MACROD2: variants seen among roughly 807,000 people sequenced by gnomAD.
MACROD2 encodes ADP-ribose glycohydrolase MACROD2.
In MACROD2, 36 loss-of-function variants were observed where a neutral mutation model predicts 70.4. That is an observed-to-expected ratio of 0.51 (90% CI 0.39 to 0.68). The LOEUF (loss-of-function observed/expected upper bound fraction) is 0.68. MACROD2 is among the 30% of genes least tolerant of loss of function. The pLI, the probability that MACROD2 is intolerant of heterozygous loss-of-function variation, is 0.00. For synonymous variants in MACROD2, 172 were observed against 178.8 expected (o/e 0.96, Z 0.30); for missense variants, 496 against 538.4 (o/e 0.92, Z 0.78).
chr20:14,659,154 A>G (rs770934883), intron 4 of MACROD2, among the ~76,000 whole-genome samples: 7 of 152,142 alleles, frequency 4.6e-5, no homozygotes, highest in Non-Finnish European at 8.8e-5. Context: ...AGCCTTTTTC[A>G]TGAGAGAATG....
intron 3 of MACROD2, among the ~76,000 whole-genome samples, chr20:14,447,673 T>C (rs1222106948): frequency 6.6e-6 from 1 of 151,908 alleles, no homozygotes; most frequent in Non-Finnish European, 1.5e-5. Flanking sequence ...CTTTGGAAGC[T>C]AAGTAGAGGG....
intron 5 of MACROD2, among the ~76,000 whole-genome samples, chr20:14,951,429 C>T (rs1221499909): frequency 6.6e-6 from 1 of 152,106 alleles, no homozygotes; most frequent in African/African-American, 2.4e-5. Context: ...AATGGCTTCT[C>T]AGAGCACTCT....
intron 6 of MACROD2, among the ~76,000 whole-genome samples, chr20:15,265,568 T>C (rs567148844): frequency 6.6e-6 from 1 of 152,322 alleles, no homozygotes; most frequent in South Asian, 2.1e-4. Flanking sequence ...AGAAATAAAA[T>C]TGCTTCTTAA....
At chr20:14,287,781 T>C (rs1206351012) in intron 3 of MACROD2, among the ~76,000 whole-genome samples, 1 of 152,108 alleles carries the variant, frequency 6.6e-6, no homozygotes, top group Non-Finnish European at 1.5e-5. Context: ...TTCTTGTGAT[T>C]GTTGGACTGA....
chr20:15,539,593 G>A (rs2047926585), intron 8 of MACROD2, among the ~76,000 whole-genome samples: 1 of 152,176 alleles, frequency 6.6e-6, no homozygotes, highest in Non-Finnish European at 1.5e-5. Flanking sequence ...TGGTTAAACT[G>A]AGGTTTCTTT....
intron 5 of MACROD2, among the ~76,000 whole-genome samples, chr20:14,961,265 G>A (rs1387758133): frequency 1.3e-5 from 2 of 152,054 alleles, no homozygotes; most frequent in African/African-American, 4.8e-5. Context: ...AATATTAGAG[G>A]TGAAATGGCC....
chr20:15,169,469 G>A (rs2145885947), intron 5 of MACROD2, among the ~76,000 whole-genome samples: 1 of 152,238 alleles, frequency 6.6e-6, no homozygotes, highest in Non-Finnish European at 1.5e-5. Context: ...CTTGGCTAAG[G>A]GGCCACCGTT....
chr20:15,451,418 A>T (rs867218819), intron 7 of MACROD2, among the ~76,000 whole-genome samples: 6 of 36,420 alleles, frequency 1.6e-4, no homozygotes, highest in East Asian at 5.1e-4. Flanking sequence ...GGTGGTAAAT[A>T]AAAAAAAAAA....
intron 3 of MACROD2, among the ~76,000 whole-genome samples, chr20:14,193,411 A>T (rs936068415): frequency 1.3e-5 from 2 of 152,210 alleles, no homozygotes; most frequent in Non-Finnish European, 2.9e-5. Flanking sequence ...TATGGGTATT[A>T]TATTATCAGG....
At chr20:14,887,499 C>A (rs34850340) in intron 5 of MACROD2, among the ~76,000 whole-genome samples, 4 of 150,976 alleles carry the variant, frequency 2.6e-5, no homozygotes, top group Non-Finnish European at 4.4e-5. Context: ...GTCAAGTGAT[C>A]CTCCTGCCTC....
At chr20:15,101,328 C>G (rs140442471) in intron 5 of MACROD2, among the ~76,000 whole-genome samples, 1 of 151,818 alleles carries the variant, frequency 6.6e-6, no homozygotes, top group Admixed American at 6.6e-5. Flanking sequence ...TCCTATCAGT[C>G]TAGACTGTGA....
rs2075466858 is a variant in MACROD2 at position 15,054,416 on chromosome 20, T to C, written c.419-175524T>C. 2.0e-5 allele frequency among the ~76,000 whole-genome samples: 3 copies of C among 152,130 alleles called. No homozygotes were observed. In the South Asian group the frequency reaches 6.2e-4, roughly 31 times the overall value. On this transcript the variant is annotated intron_variant, in intron 5 of 17. Coordinates refer to ENST00000684519, the MANE Select transcript of MACROD2 (RefSeq NM_001351661.2). ...CCTGATCAGTCAGCAGCCATCACCA[T>C]AGAGGCAAGACTCCCCACTATCAAA...
At chr20:15,526,724 G>A (rs1052587587) in intron 8 of MACROD2, among the ~76,000 whole-genome samples, 42 of 152,318 alleles carry the variant, frequency 2.8e-4, no homozygotes, top group Admixed American at 9.8e-4. Flanking sequence ...CATATTGGGC[G>A]TGTGGGGGCT....
chr20:14,448,669 G>GA (rs370604112), intron 3 of MACROD2, among the ~76,000 whole-genome samples: 1,883 of 146,786 alleles, frequency 0.013, 54 homozygotes, highest in African/African-American at 0.045. Flanking sequence ...CTCCCTCTCA[G>GA]AAAAAAAAAA....
intron 13 of MACROD2, among the ~76,000 whole-genome samples, chr20:15,969,048 G>A (rs1004349566): frequency 6.6e-6 from 1 of 151,752 alleles, no homozygotes; most frequent in African/African-American, 2.4e-5. Flanking sequence ...CAATGACCCC[G>A]ATAAACTCTC....
At chr20:15,287,370 C>T (rs1402065253) in intron 6 of MACROD2, among the ~76,000 whole-genome samples, 2 of 152,138 alleles carry the variant, frequency 1.3e-5, no homozygotes, top group Admixed American at 6.5e-5. Flanking sequence ...CCTGTTACCA[C>T]GGCTTCTTAA....
At chr20:15,676,057 CT>C (rs1429244753) in intron 8 of MACROD2, among the ~76,000 whole-genome samples, 1 of 152,152 alleles carries the variant, frequency 6.6e-6, no homozygotes, top group Non-Finnish European at 1.5e-5. Context: ...CAATTTGCTG[CT>C]TTTCATTTTA....
At chr20:15,401,054 T>A (rs552362183) in intron 6 of MACROD2, among the ~76,000 whole-genome samples, 1 of 151,958 alleles carries the variant, frequency 6.6e-6, no homozygotes, top group Admixed American at 6.6e-5. Context: ...TTTTTTTTTT[T>A]TGAGACGGAG....
intron 10 of MACROD2, among the ~76,000 whole-genome samples, chr20:15,888,108 A>G (rs1240240816): frequency 2.0e-5 from 3 of 152,128 alleles, no homozygotes; most frequent in African/African-American, 4.8e-5. Context: ...TACTAAAATC[A>G]TCTCTCAAAT....
Sources: allele counts gnomAD v4.1 joint callset (sites outside exome capture counted in the v4.1 genomes callset), GRCh38; gene constraint gnomAD v4.1.1; transcripts MANE v1.5; gene names NCBI Gene and HGNC (gene_info 2026-07-23, HGNC 2026-07-21).